Variants in CHCHD3 observed in about 807,000 individuals in gnomAD.
The protein encoded by CHCHD3 is MICOS complex subunit MIC19.
In CHCHD3, 20 loss-of-function variants were observed where a neutral mutation model predicts 38.2. That is an observed-to-expected ratio of 0.52 (90% CI 0.37 to 0.76). The LOEUF is 0.76. Ranked by LOEUF, CHCHD3 falls within the 30% of genes least tolerant of loss-of-function variation. The probability of loss-of-function intolerance (pLI) is 0.00; values close to 1 mark genes in which losing one functional copy is unlikely to be tolerated. For missense variants in CHCHD3, 245 were observed against 279.2 expected, an observed-to-expected ratio of 0.88 and a Z score of 0.87; for synonymous variants, 82 against 100.0, an observed-to-expected ratio of 0.82 and a Z score of 1.07.
chr7:133,069,215 G>A (rs1459442285), intron 2 of CHCHD3, among the ~76,000 whole-genome samples: 1 of 150,954 alleles, frequency 6.6e-6, no homozygotes, highest in African/African-American at 2.4e-5. Context: ...AGCTTCAAAG[G>A]GGCAAGAAGT....
At chr7:132,915,686 A>G (rs576366619) in intron 4 of CHCHD3, among the ~76,000 whole-genome samples, 1 of 152,192 alleles carries the variant, frequency 6.6e-6, no homozygotes, top group East Asian at 1.9e-4. Context: ...TCCCACCCCA[A>G]CTATTTTACT....
At chr7:132,815,948 T>C (rs1807191768) in intron 6 of CHCHD3, among the ~76,000 whole-genome samples, 1 of 152,228 alleles carries the variant, frequency 6.6e-6, no homozygotes, top group Non-Finnish European at 1.5e-5. Context: ...CGAATCCTTT[T>C]CAATGAAATA....
intron 4 of CHCHD3, among the ~76,000 whole-genome samples, chr7:132,906,686 A>G (rs1809812520): frequency 6.6e-6 from 1 of 151,772 alleles, no homozygotes; most frequent in African/African-American, 2.4e-5. Context: ...TGACATGATC[A>G]AGGAAGAGCT....
At chr7:132,858,205 G>C (rs766113742) in intron 5 of CHCHD3, among the ~76,000 whole-genome samples, 21 of 152,058 alleles carry the variant, frequency 1.4e-4, no homozygotes, top group Non-Finnish European at 2.9e-5. Flanking sequence ...TAGGACTACA[G>C]GCACACTCCA....
intron 4 of CHCHD3, among the ~76,000 whole-genome samples, chr7:132,893,880 T>G (rs1460856318): frequency 6.6e-6 from 1 of 152,220 alleles, no homozygotes; most frequent in Non-Finnish European, 1.5e-5. Flanking sequence ...TGTGAAATTG[T>G]GAGACAATTA....
At chr7:132,883,939 C>T (rs964086648) in intron 5 of CHCHD3, among the ~76,000 whole-genome samples, 7 of 152,096 alleles carry the variant, frequency 4.6e-5, no homozygotes, top group Non-Finnish European at 8.8e-5. Flanking sequence ...TTATAAAAGC[C>T]ATAAACCTAG....
intron 3 of CHCHD3, among the ~76,000 whole-genome samples, chr7:132,994,261 A>C (rs938966627): frequency 2.0e-5 from 3 of 152,226 alleles, no homozygotes; most frequent in Non-Finnish European, 4.4e-5. Flanking sequence ...TTTGATATAG[A>C]GAGACAGAAC....
At chr7:133,024,790 A>C (rs1813290918) in intron 2 of CHCHD3, among the ~76,000 whole-genome samples, 163 bp from the exon 3 acceptor site, 1 of 152,206 alleles carries the variant, frequency 6.6e-6, no homozygotes, top group Non-Finnish European at 1.5e-5. Flanking sequence ...GGAAAAGGCC[A>C]ATTAGTGCAC....
Position 133,057,122 on chromosome 7 carries a change from C to T in CHCHD3, c.169+13020G>A, listed in dbSNP as rs889027507. ...TTGGCCTTTGCAATTGGGTCTGGTT[C>T]GGCTGGTTCAAGTTACACCTATTGA... On this transcript the variant is annotated intron_variant, in intron 2 of 7. Transcript: ENST00000262570. Among the ~76,000 whole-genome samples, 35 of 152,244 alleles carry T rather than the reference C, an allele frequency of 2.3e-4. No individual in the cohort carries two copies. In the East Asian group the frequency reaches 3.3e-3, roughly 14 times the overall value.
chr7:132,944,489 T>C lies in CHCHD3; in HGVS notation c.369+30680A>G, dbSNP rs548200485. 2.5e-4 allele frequency among the ~76,000 whole-genome samples: 38 copies of C among 150,022 alleles called. No homozygotes were observed. In the South Asian group the frequency reaches 7.7e-3, roughly 31 times the overall value. On this transcript the variant is annotated intron_variant, in intron 4 of 7. Coordinates refer to ENST00000262570, the MANE Select transcript of CHCHD3 (RefSeq NM_017812.4). ...GAAAAATGGTCAAATATCCAAAATA[T>C]ACATTAAAAGAATAGCTGGAATATT...
At chr7:132,950,563 C>T (rs1225211668) in intron 4 of CHCHD3, among the ~76,000 whole-genome samples, 3 of 152,132 alleles carry the variant, frequency 2.0e-5, no homozygotes, top group Non-Finnish European at 2.9e-5. Flanking sequence ...AGACAGCCAA[C>T]GGGCCATCCA....
At chr7:132,901,764 T>G (rs1415843744) in intron 4 of CHCHD3, among the ~76,000 whole-genome samples, 1 of 152,230 alleles carries the variant, frequency 6.6e-6, no homozygotes, top group African/African-American at 2.4e-5. Flanking sequence ...ATTCTGTAGG[T>G]TGCCTGTTCA....
intron 2 of CHCHD3, among the ~76,000 whole-genome samples, chr7:133,051,500 C>T (rs2117501741): frequency 6.6e-6 from 1 of 152,302 alleles, no homozygotes; most frequent in Non-Finnish European, 1.5e-5. Flanking sequence ...CCAAGTTATT[C>T]TAAGCATCAT....
intron 4 of CHCHD3, among the ~76,000 whole-genome samples, chr7:132,912,525 T>A (rs1013614263): frequency 1.3e-5 from 2 of 152,172 alleles, no homozygotes; most frequent in African/African-American, 4.8e-5. Flanking sequence ...CTTTAACCTC[T>A]CTGTGTGTCA....
chr7:132,802,795 C>G (rs927505425), intron 6 of CHCHD3, among the ~76,000 whole-genome samples: 1 of 152,084 alleles, frequency 6.6e-6, no homozygotes, highest in African/African-American at 2.4e-5. Flanking sequence ...GGAAGGACCC[C>G]AAATAAACTT....
At chr7:132,815,480 A>T (rs756024631) in intron 6 of CHCHD3, 2 of 447,256 alleles carry the variant, frequency 4.5e-6, no homozygotes, top group African/African-American at 4.0e-5. Flanking sequence ...ATTACCTTTT[A>T]GGTCCCTGCA....
intron 3 of CHCHD3, among the ~76,000 whole-genome samples, chr7:132,979,036 C>T (rs945243399): frequency 1.3e-5 from 2 of 152,132 alleles, no homozygotes; most frequent in African/African-American, 2.4e-5. Context: ...ATTCTCATTT[C>T]CTATCAACAA....
At chr7:132,820,124 C>T (rs945679896) in intron 6 of CHCHD3, among the ~76,000 whole-genome samples, 2 of 152,014 alleles carry the variant, frequency 1.3e-5, no homozygotes, top group Non-Finnish European at 2.9e-5. Context: ...GGTTGCAAGG[C>T]AAGCTGTTAA....
In CHCHD3 at chr7:132,896,430, T is replaced by C. The variant is rs1341448655; in HGVS notation, c.370-10685A>G. Among the ~76,000 whole-genome samples the C allele has an allele frequency of 2.0e-5, 3 of 152,154 alleles. No individual in the cohort carries two copies. In the East Asian group the frequency reaches 5.8e-4, roughly 29 times the overall value. ...AGAACAAGGCATATTGTGATTCCAT[T>C]ATAACTTACAAGTTTCATGTTACAA... On this transcript the variant is annotated intron_variant, in intron 4 of 7. Coordinates refer to ENST00000262570, the MANE Select transcript of CHCHD3 (RefSeq NM_017812.4).
Sources: allele counts gnomAD v4.1 joint callset (sites outside exome capture counted in the v4.1 genomes callset), GRCh38; gene constraint gnomAD v4.1.1; transcripts MANE v1.5; gene names NCBI Gene and HGNC (gene_info 2026-07-23, HGNC 2026-07-21).